The following GRIA2 variants were observed in gnomAD, a reference collection of about 807,000 sequenced individuals.
The protein encoded by GRIA2 is glutamate receptor 2.
In GRIA2, 14 loss-of-function variants were observed where a neutral mutation model predicts 97.3. The ratio of observed to expected loss-of-function variants is 0.14; its 90% CI spans 0.10 to 0.23. GRIA2 has a LOEUF of 0.23. Ranked by LOEUF, GRIA2 falls within the 10% of genes least tolerant of loss-of-function variation. The probability of loss-of-function intolerance (pLI) is 1.00; values close to 1 mark genes in which losing one functional copy is unlikely to be tolerated. For missense variants in GRIA2, 558 were observed against 1,069.8 expected (o/e 0.52, Z 6.67); for synonymous variants, 412 against 387.8 (o/e 1.06, Z -0.73).
At chr4:157,277,826 GTATATATGTATA>G (rs1166830587) in intron 2 of GRIA2, among the ~76,000 whole-genome samples, 39 of 141,094 alleles carry the variant, frequency 2.8e-4, no homozygotes, top group Non-Finnish European at 9.2e-5. Flanking sequence ...ATATATATAT[GTATATATGTATA>G]TATATATGTA....
intron 2 of GRIA2, among the ~76,000 whole-genome samples, chr4:157,257,735 A>G (rs972910584): frequency 6.6e-6 from 1 of 152,102 alleles, no homozygotes; most frequent in Non-Finnish European, 1.5e-5. Context: ...ATTGAAGACT[A>G]TGAAAACCCA....
At chr4:157,298,222 G>C (rs995894596) in intron 2 of GRIA2, among the ~76,000 whole-genome samples, 2 of 152,074 alleles carry the variant, frequency 1.3e-5, no homozygotes, top group Non-Finnish European at 2.9e-5. Context: ...TGCTTAAGAA[G>C]TACTGTTATG....
At chr4:157,273,519 G>A (rs1732130338) in intron 2 of GRIA2, among the ~76,000 whole-genome samples, 2 of 151,972 alleles carry the variant, frequency 1.3e-5, no homozygotes, top group Non-Finnish European at 2.9e-5. Flanking sequence ...TATAACGTAA[G>A]CATAGATAGA....
rs151241908 is a variant in GRIA2 at position 157,339,668 on chromosome 4, A to G, written c.1845-1596A>G. On this transcript the variant is annotated intron_variant, in intron 11 of 15. Coordinates refer to ENST00000264426, the MANE Select transcript of GRIA2 (RefSeq NM_001083619.3). ...AAAATGATTCTTAAACGTGTCATAA[A>G]TTAATACGCAATATGTAGAGTCAAA... Among the ~76,000 whole-genome samples the G allele has an allele frequency of 3.9e-5, 6 of 152,036 alleles. No individual in the cohort carries two copies. The East Asian group carries it at 9.7e-4, about 25-fold the overall frequency.
In GRIA2 at chr4:157,363,745, G is replaced by C. The variant is rs893973182; in HGVS notation, c.*314G>C. ...GAGTTCATCTTGAATTGTAAGGAATGATTAATTAAAACACAACATCTTTTT... is the reference window on the plus strand; with the variant it reads ...GAGTTCATCTTGAATTGTAAGGAATCATTAATTAAAACACAACATCTTTTT... On this transcript the variant is annotated 3_prime_UTR_variant, in exon 16 of 16. Coordinates refer to ENST00000264426, the MANE Select transcript of GRIA2 (RefSeq NM_001083619.3). The C allele has an allele frequency of 2.4e-6, 1 of 411,582 alleles. No homozygotes were observed. Among genetic ancestry groups the C allele is most frequent in the Admixed American group, 4.4e-5 (1 of 22,596 alleles). 25.5% of individuals were successfully genotyped at this position (411,582 alleles called of 1,614,324 possible). A position where few individuals can be genotyped will look rare whatever the true frequency, so the allele number is the denominator to read the frequency against.
At position 157,335,761 on chromosome 4, in the gene GRIA2, A is replaced by G. The variant is rs767494652; in HGVS notation, c.1357A>G (p.Ile453Val). 1 of 1,612,646 alleles carries G rather than the reference A, an allele frequency of 6.2e-7. No homozygotes were observed. Residue 453 changes from isoleucine (I) to valine (V), a missense_variant, in exon 10 of 16, where the codon ATC (isoleucine) becomes GTC (valine). Physicochemically the swap from Ile to Val is conservative, Grantham distance 29 (BLOSUM62 3). Coordinates refer to ENST00000264426, the MANE Select transcript of GRIA2 (RefSeq NM_001083619.3). ...CTACTGTGTTGACCTGGCTGCAGAA[A>G]TCGCCAAACATTGTGGGTTCAAGTA... ...EGYCVDLAAE[I>V]AKHCGFKYKL...
intron 2 of GRIA2, among the ~76,000 whole-genome samples, chr4:157,254,661 G>A (rs1731162668): frequency 6.6e-6 from 1 of 152,044 alleles, no homozygotes; most frequent in Non-Finnish European, 1.5e-5. Context: ...TTGAGGGTGT[G>A]TGAAATAGGC....
chr4:157,351,176 T>G (rs1735995776), intron 12 of GRIA2, among the ~76,000 whole-genome samples: 1 of 152,136 alleles, frequency 6.6e-6, no homozygotes, highest in Non-Finnish European at 1.5e-5. Flanking sequence ...ATGATTGATA[T>G]TTTCATCACA....
At chr4:157,333,028 C>A in intron 7 of GRIA2, 42 bp downstream of exon 7, 1 of 1,453,240 alleles carries the variant, frequency 6.9e-7, no homozygotes. Flanking sequence ...TTAATATGGC[C>A]ATTAATGTTT....
Position 157,254,572 on chromosome 4 carries a change from A to G in GRIA2, c.229+32765A>G, listed in dbSNP as rs116784203. On this transcript the variant is annotated intron_variant, in intron 2 of 15. Coordinates refer to ENST00000264426, the MANE Select transcript of GRIA2 (RefSeq NM_001083619.3). ...GTCAAGGTCAAGAAATGCAATAATA[A>G]GAAGAGATACAAATATCCAGCAAAC... Among the ~76,000 whole-genome samples the G allele has an allele frequency of 6.6e-3, 1,011 of 152,260 alleles. 4 individuals carry two copies. Among genetic ancestry groups the G allele is most frequent in the Non-Finnish European group, 9.9e-3 (674 of 67,992 alleles).
At chr4:157,260,451 G>A (rs890516809) in intron 2 of GRIA2, among the ~76,000 whole-genome samples, 2 of 152,016 alleles carry the variant, frequency 1.3e-5, no homozygotes, top group African/African-American at 4.8e-5. Flanking sequence ...GAAGCACTTT[G>A]TCCCTTTCAG....
chr4:157,284,745 C>T (rs1288393039), intron 2 of GRIA2, among the ~76,000 whole-genome samples: 1 of 151,684 alleles, frequency 6.6e-6, no homozygotes, highest in African/African-American at 2.4e-5. Context: ...TTCCCTTACT[C>T]AAAGATATGT....
At chr4:157,347,324 C>G (rs1735804640) in intron 12 of GRIA2, among the ~76,000 whole-genome samples, 1 of 152,142 alleles carries the variant, frequency 6.6e-6, no homozygotes, top group African/African-American at 2.4e-5. Context: ...TCAATGTGCT[C>G]TGTAACCATG....
chr4:157,319,332 T>C (rs1042230434), intron 5 of GRIA2, among the ~76,000 whole-genome samples: 3 of 152,244 alleles, frequency 2.0e-5, no homozygotes, highest in African/African-American at 7.2e-5. Flanking sequence ...TGAGAAATAA[T>C]GACAGAAGGT....
intron 10 of GRIA2, 28 bp from the exon 11 acceptor site, chr4:157,336,349 C>G: frequency 1.3e-6 from 2 of 1,504,060 alleles, no homozygotes; most frequent in Non-Finnish European, 1.8e-6. Context: ...ACTCCAGGTA[C>G]TATTACTTTC....
chr4:157,317,732 A>G (rs763361502), intron 5 of GRIA2, 21 bp downstream of exon 5: 1 of 997,750 alleles, frequency 1.0e-6, no homozygotes, highest in Admixed American at 1.8e-5. Context: ...TAATTGGTAT[A>G]TATTATTTTA....
chr4:157,236,192 T>G (rs1371005918), intron 2 of GRIA2, among the ~76,000 whole-genome samples: 1 of 152,058 alleles, frequency 6.6e-6, no homozygotes, highest in Non-Finnish European at 1.5e-5. Context: ...AAATTTTAAT[T>G]TAGCTTCTTG....
At chr4:157,277,808 T>C (rs1292928306) in intron 2 of GRIA2, among the ~76,000 whole-genome samples, 2 of 109,264 alleles carry the variant, frequency 1.8e-5, no homozygotes, top group Non-Finnish European at 3.8e-5. Context: ...TAATAAAATA[T>C]GTATGCTATA....
rs1380809249 is a variant in GRIA2 at position 157,317,570 on chromosome 4, GT to G, written c.667-83del. On this transcript the variant is annotated intron_variant, in intron 4 of 15. Transcript: ENST00000264426. ...ACAAACCTAGCAGATAAAATTCCAC[GT>G]TTTTCCCTGAATCAGATCATAATAC... 11 of 506,992 alleles carry G rather than the reference GT, an allele frequency of 2.2e-5. No homozygotes were observed. In the Admixed American group the frequency reaches 3.8e-4, roughly 17 times the overall value. 31.4% of individuals were successfully genotyped at this position (506,992 alleles called of 1,614,324 possible).
Sources: allele counts gnomAD v4.1 joint callset (sites outside exome capture counted in the v4.1 genomes callset), GRCh38; gene constraint gnomAD v4.1.1; transcripts MANE v1.5; gene names NCBI Gene and HGNC (gene_info 2026-07-23, HGNC 2026-07-21).